GLRB: variants seen among roughly 807,000 people sequenced by gnomAD.
GLRB encodes the protein glycine receptor beta.
GLRB carries 33 observed loss-of-function variants against 54.2 expected under a neutral mutation model. The observed-to-expected ratio is 0.61, with a 90% confidence interval of 0.46 to 0.81. The LOEUF is 0.81. Ranked by LOEUF, GLRB falls within the 40% of genes least tolerant of loss-of-function variation. The pLI is 0.00. For missense variants in GLRB, 572 were observed against 584.6 expected (o/e 0.98, Z 0.22); for synonymous variants, 209 against 208.2 (o/e 1.00, Z -0.03).
At chr4:157,090,121 C>G (rs1324820401) in intron 2 of GLRB, among the ~76,000 whole-genome samples, 8 of 152,168 alleles carry the variant, frequency 5.3e-5, no homozygotes, top group African/African-American at 1.9e-4. Flanking sequence ...TCCTCTACAA[C>G]AGTGGATCTC....
chr4:157,158,550 G>T (rs968319043), intron 9 of GLRB, among the ~76,000 whole-genome samples: 1 of 152,122 alleles, frequency 6.6e-6, no homozygotes, highest in Non-Finnish European at 1.5e-5. Flanking sequence ...TTCCACATGT[G>T]GCTAGCCAGT....
intron 2 of GLRB, among the ~76,000 whole-genome samples, chr4:157,108,969 T>A (rs959737897): frequency 1.3e-5 from 2 of 152,134 alleles, no homozygotes; most frequent in Non-Finnish European, 2.9e-5. Context: ...GCAAAAAAGA[T>A]GAAACCTTGT....
intron 9 of GLRB, among the ~76,000 whole-genome samples, chr4:157,168,641 G>T (rs376519189): frequency 6.6e-6 from 1 of 151,968 alleles, no homozygotes; most frequent in Non-Finnish European, 1.5e-5. Context: ...AATATCAAAT[G>T]TATAGAAAGG....
chr4:157,158,099 A>G (rs1405561375), intron 9 of GLRB, among the ~76,000 whole-genome samples: 1 of 151,868 alleles, frequency 6.6e-6, no homozygotes, highest in Non-Finnish European at 1.5e-5. Flanking sequence ...TATGATGAGC[A>G]TTTTTTCATG....
At chr4:157,119,369 G>A (rs1735719190) in intron 2 of GLRB, among the ~76,000 whole-genome samples, 1 of 151,562 alleles carries the variant, frequency 6.6e-6, no homozygotes, top group Non-Finnish European at 1.5e-5. Flanking sequence ...TGAATTCTTA[G>A]ACCATCTCTC....
chr4:157,116,251 AG>A (rs1735605417), intron 2 of GLRB, among the ~76,000 whole-genome samples: 1 of 151,826 alleles, frequency 6.6e-6, no homozygotes, highest in Admixed American at 6.6e-5. Context: ...TGGTTGTAAA[AG>A]GCTTTTGATA....
In GLRB at chr4:157,103,157, C is replaced by CAA. The variant is rs1436563927; in HGVS notation, c.123-17384_123-17383dup. ...AGAGAGAGACTCCGTCTCAAAAAAA[C>CAA]AAAAAAAAAAAAAAAAGAAAGTGAA... On this transcript the variant is annotated intron_variant, in intron 2 of 9. Coordinates refer to ENST00000264428, the MANE Select transcript of GLRB (RefSeq NM_000824.5). 2.6e-3 allele frequency among the ~76,000 whole-genome samples: 272 copies of CAA among 104,566 alleles called. 2 individuals are homozygous for CAA. The highest frequency in any genetic ancestry group is 0.018 in the South Asian group (63 of 3,466). The allele number at this position is 104,566 out of a possible 152,430, so 68.6% of individuals were successfully genotyped here.
Position 157,098,401 on chromosome 4 carries a change from A to G in GLRB, c.122+20255A>G, listed in dbSNP as rs1316755702. ...GGAGAATGCTCTGATTGTAAGATCT[A>G]TTAGCCTCTCCAAGGTCAGAAAGGG... On this transcript the variant is annotated intron_variant, in intron 2 of 9. Transcript: ENST00000264428. 7.2e-5 allele frequency among the ~76,000 whole-genome samples: 11 copies of G among 152,292 alleles called. No individual in the cohort carries two copies. In the East Asian group the frequency reaches 1.2e-3, roughly 16 times the overall value.
chr4:157,136,154 G>T (rs1227890942), intron 4 of GLRB, among the ~76,000 whole-genome samples: 3 of 152,058 alleles, frequency 2.0e-5, no homozygotes, highest in Non-Finnish European at 4.4e-5. Flanking sequence ...AGGCTTTTAT[G>T]GTACTACCAT....
At chr4:157,077,508 C>T (rs150767343) in intron 1 of GLRB, among the ~76,000 whole-genome samples, 27 of 151,874 alleles carry the variant, frequency 1.8e-4, no homozygotes, top group African/African-American at 5.3e-4. Context: ...ATTTCTTTTT[C>T]TTTAAAATAC....
At chr4:157,115,455 AT>A (rs1052834929) in intron 2 of GLRB, among the ~76,000 whole-genome samples, 1 of 151,710 alleles carries the variant, frequency 6.6e-6, no homozygotes, top group Non-Finnish European at 1.5e-5. Flanking sequence ...TTAGTGTAGT[AT>A]TCAGAAAGGG....
chr4:157,119,871 T>C (rs1735741412), intron 2 of GLRB, among the ~76,000 whole-genome samples: 2 of 151,820 alleles, frequency 1.3e-5, no homozygotes, highest in South Asian at 4.2e-4. Context: ...GACCCAGCCA[T>C]CCCATTACTG....
intron 4 of GLRB, among the ~76,000 whole-genome samples, chr4:157,130,437 T>C (rs1736173216): frequency 6.6e-6 from 1 of 151,708 alleles, no homozygotes; most frequent in Non-Finnish European, 1.5e-5. Flanking sequence ...CTCCCAGGTA[T>C]TTTTGTGTTT....
At position 157,098,828 on chromosome 4, in the gene GLRB, G is replaced by A. The variant is rs530486233; in HGVS notation, c.122+20682G>A. ...TCACCATGTTGGCCAGACTGGCCTC[G>A]AACTCCTGACCTCAGGCAATCCACC... On this transcript the variant is annotated intron_variant, in intron 2 of 9. Transcript: ENST00000264428. 1.4e-3 allele frequency among the ~76,000 whole-genome samples: 208 copies of A among 152,036 alleles called. 1 individual carries two copies. Among genetic ancestry groups the A allele is most frequent in the Non-Finnish European group, 2.5e-3 (172 of 67,980 alleles).
intron 2 of GLRB, among the ~76,000 whole-genome samples, chr4:157,084,405 A>G (rs1734332884): frequency 1.3e-5 from 2 of 152,174 alleles, no homozygotes; most frequent in African/African-American, 4.8e-5. Flanking sequence ...GAAGCTTAAT[A>G]ACAAGTCCTT....
intron 2 of GLRB, among the ~76,000 whole-genome samples, chr4:157,112,302 G>A (rs1194396707): frequency 1.3e-5 from 2 of 150,466 alleles, no homozygotes; most frequent in African/African-American, 2.5e-5. Context: ...TAAACTCACA[G>A]CTTTAAATAC....
intron 6 of GLRB, among the ~76,000 whole-genome samples, chr4:157,138,357 A>C (rs766044993): frequency 6.6e-6 from 1 of 152,210 alleles, no homozygotes; most frequent in African/African-American, 2.4e-5. Context: ...TACAGGTGTC[A>C]GCCACCGCAC....
intron 9 of GLRB, among the ~76,000 whole-genome samples, chr4:157,164,211 G>T (rs1158205757): frequency 6.6e-6 from 1 of 151,952 alleles, no homozygotes; most frequent in Non-Finnish European, 1.5e-5. Context: ...AGAACTAAGG[G>T]ATTGCTTAAG....
intron 9 of GLRB, among the ~76,000 whole-genome samples, chr4:157,158,318 A>G (rs1737320144): frequency 6.6e-6 from 1 of 152,124 alleles, no homozygotes; most frequent in Non-Finnish European, 1.5e-5. Flanking sequence ...TTTGCTGTGC[A>G]GAAGCTCTTT....
Sources: allele counts gnomAD v4.1 joint callset (sites outside exome capture counted in the v4.1 genomes callset), GRCh38; gene constraint gnomAD v4.1.1; transcripts MANE v1.5; gene names NCBI Gene and HGNC (gene_info 2026-07-23, HGNC 2026-07-21).